KRT78: variants seen among roughly 807,000 people sequenced by gnomAD.
KRT78 encodes keratin 78.
In KRT78, 55 loss-of-function variants were observed where a neutral mutation model predicts 51.4. The observed-to-expected ratio is 1.07, with a 90% CI of 0.86 to 1.34. The LOEUF (loss-of-function observed/expected upper bound fraction) is 1.34. Ranked by LOEUF, KRT78 falls within the 40% of genes most tolerant of loss-of-function variation. KRT78 has a pLI of 0.00. For missense variants in KRT78, 652 were observed against 649.4 expected, an observed-to-expected ratio of 1.00 and a Z score of -0.04; for synonymous variants, 291 against 264.3, an observed-to-expected ratio of 1.10 and a Z score of -0.98.
Position 52,839,195 on chromosome 12 carries a change from G to C in KRT78, c.1481C>G (p.Ser494Cys). ...KDPVLDSCSV[S>C]GSSAGSSCHT... ...GCAGCTGGAGCCAGCGCTGGAGCCAGACACAGAGCAGGAATCCAAAACAGG... is the reference window on the plus strand; with the variant it reads ...GCAGCTGGAGCCAGCGCTGGAGCCACACACAGAGCAGGAATCCAAAACAGG... Residue 494 changes from serine (S) to cysteine (C), a missense_variant, in exon 9 of 9, where the codon TCT becomes TGT. Coordinates refer to ENST00000304620, the MANE Select transcript of KRT78 (RefSeq NM_173352.4). The C allele has an allele frequency of 6.2e-7, 1 of 1,613,124 alleles. No homozygotes were observed. The highest frequency in any genetic ancestry group is 8.5e-7 in the Non-Finnish European group (1 of 1,179,804).
At chr12:52,844,345 A>C (rs1940590052) in intron 5 of KRT78, 127 bp from the exon 6 acceptor site, 5 of 1,228,080 alleles carry the variant, frequency 4.1e-6, no homozygotes, top group Admixed American at 2.4e-5. Flanking sequence ...GCCAGGACAC[A>C]GTGGGATATA....
At chr12:52,846,011 T>C in intron 4 of KRT78, 186 bp downstream of exon 4, 1 of 562,484 alleles carries the variant, frequency 1.8e-6, no homozygotes, top group South Asian at 2.5e-5. Context: ...TATTCATTGA[T>C]GTATCCCCAG....
chr12:52,839,312 C>G lies in KRT78; in HGVS notation c.1364G>C (p.Cys455Ser). 6.2e-7 allele frequency: 1 copy of G among 1,613,898 alleles called. No individual in the cohort carries two copies. The highest frequency in any genetic ancestry group is 1.3e-5 in the African/African-American group (1 of 75,030). Reference sequence around the variant, plus strand: ...GCTGCCTTTCCCACTACCGAGTCCACAAGTGCTCCCCAAGCCTCCACCAAC... The same window carrying G: ...GCTGCCTTTCCCACTACCGAGTCCAGAAGTGCTCCCCAAGCCTCCACCAAC... ...GGVGGGLGST[C>S]GLGSGKGSPG... The change falls in exon 9 of 9, where the codon TGT (cysteine) becomes TCT (serine). Residue 455 changes from cysteine to serine, a missense_variant. Cys to Ser is a moderately radical substitution (Grantham distance 112). Coordinates refer to ENST00000304620, the MANE Select transcript of KRT78 (RefSeq NM_173352.4).
At chr12:52,844,480 G>A (rs2120413057) in intron 5 of KRT78, 79 bp downstream of exon 5, 5 of 1,506,194 alleles carry the variant, frequency 3.3e-6, no homozygotes, top group African/African-American at 1.4e-5. Context: ...CAATGGGATC[G>A]AGGTGGATGA....
At chr12:52,841,622 G>T (rs1940502596) in intron 6 of KRT78, among the ~76,000 whole-genome samples, 1 of 152,144 alleles carries the variant, frequency 6.6e-6, no homozygotes, top group African/African-American at 2.4e-5. Flanking sequence ...TTGTCTAAAG[G>T]CTGTTATTAT....
intron 6 of KRT78, among the ~76,000 whole-genome samples, chr12:52,842,730 C>A (rs1940526678): frequency 6.6e-6 from 1 of 151,650 alleles, no homozygotes; most frequent in South Asian, 2.1e-4. Flanking sequence ...CCAGCTTGGC[C>A]AACATGGTGA....
At position 52,844,606 on chromosome 12, in the gene KRT78, T is replaced by G. The variant is rs562412879; in HGVS notation, c.874A>C (p.Ile292Leu). 1 of 1,614,076 alleles carries G rather than the reference T, an allele frequency of 6.2e-7. No homozygotes were observed. Among genetic ancestry groups the G allele is most frequent in the South Asian group, 1.1e-5 (1 of 91,058 alleles). The part of the protein sequence containing the change: ...ITEVRARYEE[I>L]ARSSKAEAEA... ...GCCTCAGCCTTGCTGCTCCGGGCGA[T>G]CTCCTCGTACCGGGCGCGGACCTCA... The change falls in exon 5 of 9, where the codon ATC (isoleucine) becomes CTC (leucine). Residue 292 changes from isoleucine to leucine, a missense_variant. Physicochemically the swap from Ile to Leu is conservative, Grantham distance 5. Coordinates refer to ENST00000304620, the MANE Select transcript of KRT78 (RefSeq NM_173352.4).
chr12:52,846,255 T>A lies in KRT78; in HGVS notation c.698A>T (p.Glu233Val), dbSNP rs1940640009. 2 of 1,613,730 alleles carry A rather than the reference T, an allele frequency of 1.2e-6. No homozygotes were observed. Among genetic ancestry groups the A allele is most frequent in the Non-Finnish European group, 1.7e-6 (2 of 1,179,822 alleles). ...DGVFLSKMEL[E>V]GKLEALREYL... The stretch of plus-strand genomic sequence containing the variant: ...CTCTCTCAGAGCCTCCAGCTTGCCC[T>A]CCAACTCCATCTTGCTCAGGAAAAC... Residue 233 changes from glutamate (E) to valine (V), a missense_variant, in exon 4 of 9, where the codon GAG becomes GTG. Physicochemically the swap from Glu to Val is moderately radical, Grantham distance 121. Transcript: ENST00000304620.
At chr12:52,845,676 T>G (rs758853809) in intron 4 of KRT78, among the ~76,000 whole-genome samples, 11 of 152,182 alleles carry the variant, frequency 7.2e-5, no homozygotes, top group Non-Finnish European at 1.0e-4. Flanking sequence ...GCAAACTTAG[T>G]CGGGCGTGGT....
chr12:52,842,645 T>C, intron 6 of KRT78, among the ~76,000 whole-genome samples: 1 of 152,022 alleles, frequency 6.6e-6, no homozygotes. Context: ...GGGCTGAGCA[T>C]GGTGGCTCAC....
Position 52,848,053 on chromosome 12 carries a change from C to A in KRT78, c.453G>T (p.Leu151Phe). The change falls in exon 2 of 9, where the codon TTG (leucine) becomes TTT (phenylalanine). Residue 151 changes from leucine to phenylalanine, a missense_variant. Transcript: ENST00000304620. ...GCTCCAGGCCCTGCTGGCTGCCACT[C>A]AACCCCTGTTGCTGCAGCAGATGCC... is the stretch of plus-strand genomic sequence containing the variant. ...TKWHLLQQQG[L>F]SGSQQGLEPV... The A allele has an allele frequency of 1.2e-6, 2 of 1,614,208 alleles. No homozygotes were observed. The highest frequency in any genetic ancestry group is 1.7e-6 in the Non-Finnish European group (2 of 1,180,034).
At chr12:52,847,773 C>G (rs538021316) in intron 2 of KRT78, 134 bp downstream of exon 2, 4 of 695,882 alleles carry the variant, frequency 5.7e-6, no homozygotes, top group Non-Finnish European at 9.8e-6. Flanking sequence ...GGAATGGGGA[C>G]GCGGAGGGGT....
intron 2 of KRT78, among the ~76,000 whole-genome samples, chr12:52,847,579 T>TA (rs1940671197): frequency 6.6e-6 from 1 of 152,004 alleles, no homozygotes; most frequent in African/African-American, 2.4e-5. Flanking sequence ...TTCTCAAGAA[T>TA]AAAAAAAGCC....
Position 52,839,817 on chromosome 12 carries a change from G to A in KRT78, c.1215C>T (p.Ser405=), listed in dbSNP as rs1464997371. The A allele has an allele frequency of 1.9e-6, 3 of 1,613,958 alleles. No homozygotes were observed. Among genetic ancestry groups the A allele is most frequent in the African/African-American group, 2.7e-5 (2 of 74,978 alleles). Reference sequence around the variant, plus strand: ...GGTAAGTGGCAATCTCCACATCCAGGGAAAGCTTCGTGCTCGTCAGCTCCT... The same window carrying A: ...GGTAAGTGGCAATCTCCACATCCAGAGAAAGCTTCGTGCTCGTCAGCTCCT... The part of the protein sequence containing the change: ...EYQELTSTKL[S]LDVEIATYRR... The change falls in exon 7 of 9, where the codon TCC becomes TCT. Residue 405 remains serine (S), a synonymous_variant. Coordinates refer to ENST00000304620, the MANE Select transcript of KRT78 (RefSeq NM_173352.4).
chr12:52,844,275 C>G, intron 5 of KRT78, 57 bp from the exon 6 acceptor site: 1 of 1,533,362 alleles, frequency 6.5e-7, no homozygotes, highest in Non-Finnish European at 8.7e-7. Flanking sequence ...CTTTGACCAT[C>G]TCCTCATGTT....
chr12:52,838,782 A>G lies in KRT78; in HGVS notation c.*331T>C, dbSNP rs562202000. 3 of 344,852 alleles carry G rather than the reference A, an allele frequency of 8.7e-6. No homozygotes were observed. Among genetic ancestry groups the G allele is most frequent in the African/African-American group, 2.1e-5 (1 of 48,490 alleles). 21.4% of individuals were successfully genotyped at this position (344,852 alleles called of 1,614,324 possible). ...AGTTGTGGGAGATGGAGGGCACCCC[A>G]AGGAACACACTGGAGAGCTTGAAGG... is the stretch of plus-strand genomic sequence containing the variant. On this transcript the variant is annotated 3_prime_UTR_variant, in exon 9 of 9. Transcript: ENST00000304620.
At chr12:52,842,519 T>G (rs1420557982) in intron 6 of KRT78, among the ~76,000 whole-genome samples, 2 of 152,124 alleles carry the variant, frequency 1.3e-5, no homozygotes, top group Non-Finnish European at 2.9e-5. Flanking sequence ...ACCTACTCTC[T>G]GAGGCCCTGG....
intron 6 of KRT78, among the ~76,000 whole-genome samples, chr12:52,840,863 T>G (rs1247688255): frequency 6.6e-6 from 1 of 152,162 alleles, no homozygotes; most frequent in East Asian, 1.9e-4. Flanking sequence ...ACACCTTGAC[T>G]TCAGACTTCA....
chr12:52,846,287 C>A lies in KRT78; in HGVS notation c.666G>T (p.Val222=), dbSNP rs200847408. 6.2e-7 allele frequency: 1 copy of A among 1,609,146 alleles called. No individual in the cohort carries two copies. The highest frequency in any genetic ancestry group is 1.3e-5 in the African/African-American group (1 of 74,822). The change falls in exon 4 of 9, where the codon GTG becomes GTT. Residue 222 remains valine, a synonymous_variant. Transcript: ENST00000304620. ...ENDFVVLKKD[V]DGVFLSKMEL... is the part of the protein sequence containing the mutation. ...CCATCTTGCTCAGGAAAACCCCATC[C>A]ACATCCTGGAGACAAGGGGAGAGAG...
Sources: gnomAD v4.1 joint callset for allele counts (sites outside exome capture counted in the v4.1 genomes callset) on GRCh38, gnomAD v4.1.1 for gene constraint, MANE v1.5 for transcripts, NCBI Gene and HGNC (gene_info 2026-07-23, HGNC 2026-07-21) for gene names.